Variants in NAA25 observed in about 807,000 individuals in gnomAD.
NAA25 encodes the protein N-alpha-acetyltransferase 25, NatB auxiliary subunit.
In NAA25, 30 loss-of-function variants were observed where a neutral mutation model predicts 132.5. The observed-to-expected ratio is 0.23, with a 90% CI of 0.17 to 0.31. The LOEUF (loss-of-function observed/expected upper bound fraction) is 0.31, where lower values mean the gene tolerates loss of function less well. Ranked by LOEUF, NAA25 falls within the 10% of genes least tolerant of loss-of-function variation. NAA25 has a pLI of 1.00. For missense variants in NAA25, 771 were observed against 1,150.4 expected, an observed-to-expected ratio of 0.67 and a Z score of 4.77; for synonymous variants, 359 against 401.9, an observed-to-expected ratio of 0.89 and a Z score of 1.28.
At chr12:112,087,945 C>A in intron 3 of NAA25, 144 bp from the exon 4 acceptor site, 2 of 620,920 alleles carry the variant, frequency 3.2e-6, no homozygotes, top group East Asian at 5.6e-5. Flanking sequence ...TCATTCATCT[C>A]TTGGTTAGGT....
Position 112,108,744 on chromosome 12 carries a change from A to G in NAA25, c.30T>C (p.Pro10=). The G allele has an allele frequency of 6.5e-7, 1 of 1,529,424 alleles. No homozygotes were observed. 94.7% of individuals were successfully genotyped at this position (1,529,424 alleles called of 1,614,324 possible). Residue 10 remains proline, a synonymous_variant, in exon 1 of 24, where the codon CCT becomes CCC. Coordinates refer to ENST00000261745, the MANE Select transcript of NAA25 (RefSeq NM_024953.4). The part of the protein sequence containing the change: MATRGHVQD[P]NDRRLRPIYD... The stretch of plus-strand genomic sequence containing the variant: ...AAATGGGCCGGAGGCGCCTGTCGTT[A>G]GGGTCCTGCACATGGCCCCGCGTCG...
intron 11 of NAA25, among the ~76,000 whole-genome samples, chr12:112,064,990 C>A (rs189908780): frequency 6.6e-6 from 1 of 151,826 alleles, no homozygotes; most frequent in Non-Finnish European, 1.5e-5. Flanking sequence ...GCCGAAATCG[C>A]GCCATTGCAC....
At chr12:112,107,239 GAC>G (rs1489533499) in intron 1 of NAA25, among the ~76,000 whole-genome samples, 4 of 152,046 alleles carry the variant, frequency 2.6e-5, no homozygotes, top group African/African-American at 9.7e-5. Context: ...CAACCTGGAC[GAC>G]AGAGTGAGAC....
rs1028592961 is a variant in NAA25 at position 112,027,426 on chromosome 12, T to A, written c.*2105A>T. On this transcript the variant is annotated 3_prime_UTR_variant, in exon 24 of 24. Coordinates refer to ENST00000261745, the MANE Select transcript of NAA25 (RefSeq NM_024953.4). ...CTGCATAATTTCATTCTTTTTACAA[T>A]TATCTCAAAATGTGAAAGCTGGATC... 2 of 152,698 alleles carry A rather than the reference T, an allele frequency of 1.3e-5. No homozygotes were observed. Among genetic ancestry groups the A allele is most frequent in the South Asian group, 4.1e-4 (2 of 4,830 alleles). 9.5% of individuals were successfully genotyped at this position (152,698 alleles called of 1,614,324 possible).
At chr12:112,088,865 C>T (rs1488916334) in intron 3 of NAA25, among the ~76,000 whole-genome samples, 2 of 152,118 alleles carry the variant, frequency 1.3e-5, no homozygotes, top group African/African-American at 4.8e-5. Flanking sequence ...GGTAATCCAC[C>T]CACCTCAGCC....
intron 22 of NAA25, chr12:112,035,179 A>G (rs1435136029): frequency 6.6e-6 from 1 of 152,214 alleles, no homozygotes; most frequent in African/African-American, 2.4e-5. Flanking sequence ...CTGATATCAG[A>G]AAAACCATTC....
rs896773016 is a variant in NAA25, at chr12:112,074,223, C to A, written c.866+452G>T. ...GAGCACGGCGGTGGGCACCTATAGTCCCAGCTATTCGGGAAGCTGAGGCAG... is the reference window on the plus strand; with the variant it reads ...GAGCACGGCGGTGGGCACCTATAGTACCAGCTATTCGGGAAGCTGAGGCAG... On this transcript the variant is annotated intron_variant, in intron 9 of 23. Transcript: ENST00000261745. 2.0e-5 allele frequency among the ~76,000 whole-genome samples: 3 copies of A among 151,514 alleles called. No individual in the cohort carries two copies. In the Admixed American group the frequency reaches 2.0e-4, roughly 10 times the overall value.
chr12:112,036,793 AT>A (rs2078228876), intron 22 of NAA25, among the ~76,000 whole-genome samples: 1 of 150,146 alleles, frequency 6.7e-6, no homozygotes, highest in South Asian at 2.1e-4. Flanking sequence ...GGTTGTAGTG[AT>A]TGCGCCATTG....
chr12:112,042,208 TTC>T, intron 19 of NAA25, 104 bp from the exon 20 acceptor site: 1 of 508,876 alleles, frequency 2.0e-6, no homozygotes, highest in Non-Finnish European at 3.3e-6. Flanking sequence ...GGACATTTTC[TTC>T]TCTCTACAGA....
chr12:112,103,329 A>G (rs1166200606), intron 1 of NAA25, among the ~76,000 whole-genome samples: 1 of 152,178 alleles, frequency 6.6e-6, no homozygotes, highest in Non-Finnish European at 1.5e-5. Flanking sequence ...ACACTTGGCC[A>G]AAACTGAACA....
intron 1 of NAA25, among the ~76,000 whole-genome samples, chr12:112,103,646 A>G (rs1939631498): frequency 6.6e-6 from 1 of 152,244 alleles, no homozygotes; most frequent in South Asian, 2.1e-4. Context: ...ACTGTCCAAG[A>G]GGAGGTCAGA....
chr12:112,043,221 A>G lies in NAA25; in HGVS notation c.2251-10T>C, dbSNP rs564108087. On this transcript the variant is annotated splice_polypyrimidine_tract_variant and intron_variant, in intron 18 of 23. Transcript: ENST00000261745. ...GACCAAGGAAAGGATACTGGAAAAA[A>G]GGGAGAAAAATAATGCTCTTTTAAA... 3.2e-6 allele frequency: 5 copies of G among 1,567,780 alleles called. No individual in the cohort carries two copies. Among genetic ancestry groups the G allele is most frequent in the East Asian group, 2.3e-5 (1 of 44,228 alleles).
chr12:112,079,561 T>A (rs377426523), intron 5 of NAA25, among the ~76,000 whole-genome samples: 32 of 151,686 alleles, frequency 2.1e-4, no homozygotes, highest in African/African-American at 7.5e-4. Flanking sequence ...GCACTCCAGC[T>A]TGGACAACAG....
At chr12:112,094,259 A>T (rs2079181549) in intron 1 of NAA25, among the ~76,000 whole-genome samples, 1 of 151,378 alleles carries the variant, frequency 6.6e-6, no homozygotes, top group South Asian at 2.1e-4. Context: ...AAAAAAAAAA[A>T]AAAGAATACA....
At chr12:112,092,100 G>C (rs753719082) in intron 2 of NAA25, among the ~76,000 whole-genome samples, 1 of 152,080 alleles carries the variant, frequency 6.6e-6, no homozygotes, top group Non-Finnish European at 1.5e-5. Flanking sequence ...AATTAGCCGG[G>C]CGTGGTAGGA....
intron 15 of NAA25, among the ~76,000 whole-genome samples, chr12:112,050,275 C>A (rs961453412): frequency 6.6e-6 from 1 of 152,114 alleles, no homozygotes; most frequent in African/African-American, 2.4e-5. Context: ...GAAGAAACAA[C>A]CCCCTACTGG....
At chr12:112,058,100 T>A (rs577879208) in intron 13 of NAA25, among the ~76,000 whole-genome samples, 60 of 152,104 alleles carry the variant, frequency 3.9e-4, no homozygotes, top group Admixed American at 7.9e-4. Flanking sequence ...TGAGCCACGA[T>A]TGTGCCATTA....
chr12:112,027,441 A>C lies in NAA25; in HGVS notation c.*2090T>G, dbSNP rs564191961. 1 of 152,724 alleles carries C rather than the reference A, an allele frequency of 6.5e-6. No individual in the cohort carries two copies. The highest frequency in any genetic ancestry group is 2.1e-4 in the South Asian group (1 of 4,828). 9.5% of individuals were successfully genotyped at this position (152,724 alleles called of 1,614,324 possible). On this transcript the variant is annotated 3_prime_UTR_variant, in exon 24 of 24. Coordinates refer to ENST00000261745, the MANE Select transcript of NAA25 (RefSeq NM_024953.4). ...CTTTTTACAATTATCTCAAAATGTG[A>C]AAGCTGGATCTAATTGAAATGCTAC...
intron 13 of NAA25, among the ~76,000 whole-genome samples, chr12:112,056,361 A>G (rs2078545877): frequency 6.6e-6 from 1 of 151,618 alleles, no homozygotes; most frequent in Non-Finnish European, 1.5e-5. Context: ...AATAATAAAT[A>G]AAAAATTTAA....
Sources: gnomAD v4.1 joint callset for allele counts (sites outside exome capture counted in the v4.1 genomes callset) on GRCh38, gnomAD v4.1.1 for gene constraint, MANE v1.5 for transcripts, NCBI Gene and HGNC (gene_info 2026-07-23, HGNC 2026-07-21) for gene names.